VTI1A: variants seen among roughly 807,000 people sequenced by gnomAD.
VTI1A encodes vesicle transport through interaction with t-SNAREs 1A.
VTI1A carries 22 observed loss-of-function variants against 34.9 expected under a neutral mutation model. The observed-to-expected ratio is 0.63, with a 90% confidence interval of 0.45 to 0.90. The LOEUF (loss-of-function observed/expected upper bound fraction) is 0.90. Among genes scored for constraint, VTI1A ranks in the 40% least tolerant of loss-of-function variants. The pLI is 0.00. For synonymous variants in VTI1A, 87 were observed against 97.3 expected (o/e 0.89, Z 0.62); for missense variants, 268 against 275.6 (o/e 0.97, Z 0.20).
the VTI1A span, among the ~76,000 whole-genome samples, chr10:112,853,296 C>T: frequency 6.6e-6 from 1 of 152,206 alleles, no homozygotes; most frequent in African/African-American, 2.4e-5. Flanking sequence ...CTTGCAAGAC[C>T]TGCTTGCTCA....
At chr10:112,492,950 C>T (rs180759335) in intron 3 of VTI1A, among the ~76,000 whole-genome samples, 9 of 152,244 alleles carry the variant, frequency 5.9e-5, no homozygotes, top group East Asian at 1.9e-4. Context: ...ATGTGCAGTC[C>T]GTCCTCATTC....
At chr10:112,505,215 A>C (rs541084590) in intron 3 of VTI1A, among the ~76,000 whole-genome samples, 33 of 152,274 alleles carry the variant, frequency 2.2e-4, no homozygotes, top group Middle Eastern at 3.4e-3. Context: ...CCTCAGGATT[A>C]TAAAAAATTA....
In VTI1A at chr10:112,546,028, A is replaced by G. The variant is rs1205161516; in HGVS notation, c.427+7698A>G. ...CGTATGTGTGTGTATATACGTGTAT[A>G]CGCGTATGTGTGTGTATATACGTGT... On this transcript the variant is annotated intron_variant, in intron 5 of 7. Transcript: ENST00000393077. Among the ~76,000 whole-genome samples, 4 of 138,666 alleles carry G rather than the reference A, an allele frequency of 2.9e-5. No homozygotes were observed. The East Asian group carries it at 8.1e-4, about 28-fold the overall frequency. 91.0% of individuals were successfully genotyped at this position (138,666 alleles called of 152,430 possible).
chr10:112,564,941 A>G (rs1429651070), intron 5 of VTI1A, among the ~76,000 whole-genome samples: 1 of 152,122 alleles, frequency 6.6e-6, no homozygotes, highest in Non-Finnish European at 1.5e-5. Flanking sequence ...ATATACATAT[A>G]CTTACATGTA....
the VTI1A span, among the ~76,000 whole-genome samples, chr10:112,829,517 A>G: frequency 6.6e-6 from 1 of 151,986 alleles, no homozygotes; most frequent in Non-Finnish European, 1.5e-5. Context: ...TTGGGAGGCC[A>G]AGGCAGGTGG....
chr10:112,614,846 C>T (rs1433579235), intron 5 of VTI1A, among the ~76,000 whole-genome samples: 1 of 152,138 alleles, frequency 6.6e-6, no homozygotes, highest in African/African-American at 2.4e-5. Context: ...CAGCAAGGCT[C>T]TCAGCAGAAA....
At chr10:112,634,996 C>T (rs1299406826) in intron 5 of VTI1A, among the ~76,000 whole-genome samples, 1 of 152,152 alleles carries the variant, frequency 6.6e-6, no homozygotes, top group Non-Finnish European at 1.5e-5. Context: ...AATAGGCAGA[C>T]AGAGGAGCAT....
At chr10:112,618,611 A>G (rs922196204) in intron 5 of VTI1A, among the ~76,000 whole-genome samples, 3 of 146,392 alleles carry the variant, frequency 2.0e-5, no homozygotes, top group Non-Finnish European at 4.5e-5. Context: ...GGCCTAGGGG[A>G]AGGAGGAAGG....
chr10:112,541,335 A>G (rs1217441243), intron 5 of VTI1A, among the ~76,000 whole-genome samples: 1 of 152,172 alleles, frequency 6.6e-6, no homozygotes, highest in African/African-American at 2.4e-5. Context: ...ATGTGTTCTT[A>G]TATTTGCAAA....
At chr10:112,538,221 T>C (rs773392517) in intron 4 of VTI1A, 25 bp from the exon 5 acceptor site, 14 of 1,605,780 alleles carry the variant, frequency 8.7e-6, no homozygotes, top group Admixed American at 8.5e-5. Flanking sequence ...CGTCTGATTT[T>C]TTTTTCCCCC....
chr10:112,852,786 T>G, the VTI1A span, among the ~76,000 whole-genome samples: 2 of 152,086 alleles, frequency 1.3e-5, no homozygotes, highest in African/African-American at 2.4e-5. Context: ...TTTGTTTGTT[T>G]GTTTGTTTTT....
rs1853507139 is a variant in VTI1A at position 112,815,865 on chromosome 10, TA to T, written c.*483del. 1 of 238,018 alleles carries T rather than the reference TA, an allele frequency of 4.2e-6. No homozygotes were observed. The highest frequency in any genetic ancestry group is 8.3e-6 in the Non-Finnish European group (1 of 120,976). The allele number at this position is 238,018 out of a possible 1,614,324, so 14.7% of individuals were successfully genotyped here. A position where few individuals can be genotyped will look rare whatever the true frequency, so the allele number is the denominator to read the frequency against. ...CCGTCCAGCAAGCCAGCCCTGTTCC[TA>T]CACAGGCCTCATGAATATAGTCATC... On this transcript the variant is annotated 3_prime_UTR_variant, in exon 8 of 8. Transcript: ENST00000393077.
At chr10:112,583,112 C>T (rs1055325403) in intron 5 of VTI1A, among the ~76,000 whole-genome samples, 7 of 152,216 alleles carry the variant, frequency 4.6e-5, no homozygotes, top group South Asian at 4.1e-4. Flanking sequence ...GAAAGGGGAG[C>T]GATAAAAGGA....
chr10:112,842,888 A>G, the VTI1A span, among the ~76,000 whole-genome samples: 67 of 152,308 alleles, frequency 4.4e-4, no homozygotes, highest in African/African-American at 1.5e-3. Context: ...TCCAAGTAGG[A>G]AGGGTTCCAA....
chr10:112,543,757 G>A (rs1850959007), intron 5 of VTI1A, among the ~76,000 whole-genome samples: 1 of 152,164 alleles, frequency 6.6e-6, no homozygotes, highest in Non-Finnish European at 1.5e-5. Context: ...TCTTGCCCAC[G>A]CCTATGTCCT....
At chr10:112,694,160 C>T (rs1161812169) in intron 7 of VTI1A, among the ~76,000 whole-genome samples, 3 of 152,060 alleles carry the variant, frequency 2.0e-5, no homozygotes, top group South Asian at 2.1e-4. Flanking sequence ...GAGCTGAGAT[C>T]GCGCCACTGC....
At chr10:112,453,308 A>G (rs1029559072) in intron 1 of VTI1A, among the ~76,000 whole-genome samples, 17 of 152,220 alleles carry the variant, frequency 1.1e-4, no homozygotes, top group South Asian at 2.1e-4. Flanking sequence ...AGTGTTTGCC[A>G]GGTTTCTCCA....
chr10:112,560,010 TA>T (rs1851669705), intron 5 of VTI1A, among the ~76,000 whole-genome samples: 1 of 152,198 alleles, frequency 6.6e-6, no homozygotes, highest in African/African-American at 2.4e-5. Context: ...TCTGAGATAG[TA>T]AAAGCTAGTT....
upstream of VTI1A, chr10:112,447,019 C>CTCGGTGGT: frequency 6.8e-6 from 2 of 295,590 alleles, no homozygotes; most frequent in Admixed American, 4.2e-5. Context: ...GCGTGTGGAT[C>CTCGGTGGT]CGGAGCCGAT....
Sources: gnomAD v4.1 joint callset for allele counts (sites outside exome capture counted in the v4.1 genomes callset) on GRCh38, gnomAD v4.1.1 for gene constraint, MANE v1.5 for transcripts, NCBI Gene and HGNC (gene_info 2026-07-23, HGNC 2026-07-21) for gene names.